The following OBI1 variants were observed in gnomAD, a reference collection of about 807,000 sequenced individuals.
OBI1 encodes ORC ubiquitin ligase 1, also known as ring finger protein 219.
In OBI1, 59 loss-of-function variants were observed where a neutral mutation model predicts 62.4. The observed-to-expected ratio is 0.95, with a 90% CI of 0.77 to 1.17. OBI1 has a LOEUF of 1.17. Among genes scored for constraint, OBI1 ranks in the 50% most tolerant of loss-of-function variants. The pLI is 0.00. For missense variants in OBI1, 875 were observed against 830.9 expected (o/e 1.05, Z -0.65); for synonymous variants, 302 against 292.8 (o/e 1.03, Z -0.32).
chr13:78,626,541 G>A (rs1239070995), intron 5 of OBI1, among the ~76,000 whole-genome samples: 2 of 149,262 alleles, frequency 1.3e-5, no homozygotes, highest in Admixed American at 6.6e-5. Flanking sequence ...ATTAGGGAGG[G>A]CCTCACATAT....
intron 5 of OBI1, among the ~76,000 whole-genome samples, chr13:78,626,241 G>A (rs894418316): frequency 1.3e-5 from 2 of 152,284 alleles, no homozygotes; most frequent in African/African-American, 4.8e-5. Context: ...AGGAATCTCT[G>A]ATTTCCTGTT....
intron 5 of OBI1, among the ~76,000 whole-genome samples, chr13:78,623,356 T>C (rs1875570170): frequency 6.6e-6 from 1 of 151,192 alleles, no homozygotes; most frequent in Non-Finnish European, 1.5e-5. Flanking sequence ...ACTGCATAAC[T>C]GACTACTATT....
chr13:78,656,771 A>T (rs1876719094), intron 1 of OBI1, among the ~76,000 whole-genome samples: 6 of 114,508 alleles, frequency 5.2e-5, no homozygotes, highest in South Asian at 5.9e-4. Flanking sequence ...TCCTTAATTA[A>T]TTAATTTTCT....
chr13:78,653,524 T>C (rs1876606028), intron 1 of OBI1, among the ~76,000 whole-genome samples: 1 of 152,246 alleles, frequency 6.6e-6, no homozygotes, highest in Non-Finnish European at 1.5e-5. Flanking sequence ...GTACTCAATG[T>C]GATTCAACTG....
chr13:78,636,978 T>C (rs920080602), intron 4 of OBI1, among the ~76,000 whole-genome samples: 1 of 152,200 alleles, frequency 6.6e-6, no homozygotes, highest in Admixed American at 6.5e-5. Context: ...CTATCAGAGA[T>C]CTTTTCAAGT....
chr13:78,621,617 T>C (rs1875515896), intron 5 of OBI1, among the ~76,000 whole-genome samples: 1 of 152,188 alleles, frequency 6.6e-6, no homozygotes, highest in South Asian at 2.1e-4. Flanking sequence ...CAAATGTAAA[T>C]GTAGTTATGG....
chr13:78,650,246 A>G (rs1876508384), intron 1 of OBI1, among the ~76,000 whole-genome samples: 1 of 152,222 alleles, frequency 6.6e-6, no homozygotes, highest in Non-Finnish European at 1.5e-5. Flanking sequence ...AATAAGGGAA[A>G]CAAGTACACA....
intron 3 of OBI1, among the ~76,000 whole-genome samples, chr13:78,640,012 AAAAAC>A (rs1268692271): frequency 1.3e-5 from 2 of 151,926 alleles, no homozygotes; most frequent in African/African-American, 4.9e-5. Flanking sequence ...AAACAAAAAC[AAAAAC>A]AAAACAAAAC....
At chr13:78,621,821 C>T (rs965168315) in intron 5 of OBI1, among the ~76,000 whole-genome samples, 5 of 152,136 alleles carry the variant, frequency 3.3e-5, no homozygotes, top group Admixed American at 6.5e-5. Flanking sequence ...AGCTCTTTCA[C>T]GATATTGAGA....
rs1359859704 is a variant in OBI1, at chr13:78,644,993, C to T, written c.77G>A (p.Arg26His). 11 of 1,607,346 alleles carry T rather than the reference C, an allele frequency of 6.8e-6. No individual in the cohort carries two copies. The highest frequency in any genetic ancestry group is 1.7e-4 in the Middle Eastern group (1 of 6,016). Reference sequence around the variant, plus strand: ...GTTGTTGATGCATATGACAGGCTGACGTACCTTTGAAAAAAGAAATCACTT... The same window carrying T: ...GTTGTTGATGCATATGACAGGCTGATGTACCTTTGAAAAAAGAAATCACTT... ...ITCHICLGKV[R>H]QPVICINNHV... Residue 26 changes from arginine to histidine, a missense_variant, in exon 2 of 6, where the codon CGT (arginine) becomes CAT (histidine). Physicochemically the swap from Arg to His is conservative, Grantham distance 29 (BLOSUM62 0). Coordinates refer to ENST00000282003, the MANE Select transcript of OBI1 (RefSeq NM_024546.4).
chr13:78,646,413 T>C (rs1313952295), intron 1 of OBI1, among the ~76,000 whole-genome samples: 1 of 152,160 alleles, frequency 6.6e-6, no homozygotes, highest in Non-Finnish European at 1.5e-5. Flanking sequence ...GTTGGGAAAG[T>C]TGTCAGAAGG....
At chr13:78,621,858 T>C (rs1031312325) in intron 5 of OBI1, among the ~76,000 whole-genome samples, 1 of 152,212 alleles carries the variant, frequency 6.6e-6, no homozygotes, top group African/African-American at 2.4e-5. Flanking sequence ...TGGAAGTTGA[T>C]GCAAACTTAG....
chr13:78,653,424 T>C (rs1233991932), intron 1 of OBI1, among the ~76,000 whole-genome samples: 1 of 152,186 alleles, frequency 6.6e-6, no homozygotes, highest in Non-Finnish European at 1.5e-5. Context: ...AATAAGCTAG[T>C]GGGGCTGTTG....
At chr13:78,635,400 C>G (rs746799797) in intron 4 of OBI1, among the ~76,000 whole-genome samples, 1 of 152,170 alleles carries the variant, frequency 6.6e-6, no homozygotes, top group African/African-American at 2.4e-5. Context: ...CCATATTCCC[C>G]AAGCACTTTG....
chr13:78,648,279 A>AACACACACACACACACACACACACAC (rs3064402), intron 1 of OBI1, among the ~76,000 whole-genome samples: 1 of 146,784 alleles, frequency 6.8e-6, no homozygotes, highest in African/African-American at 2.5e-5. Context: ...ACTTCCCCCA[A>AACACACACACACACACACACACACAC]ACACACACAC....
At chr13:78,641,791 C>G (rs1254241306) in intron 3 of OBI1, among the ~76,000 whole-genome samples, 7 of 144,494 alleles carry the variant, frequency 4.8e-5, no homozygotes, top group Admixed American at 2.8e-4. Flanking sequence ...CTTGAGGAAG[C>G]AAATACAAAA....
chr13:78,656,048 T>A (rs935484674), intron 1 of OBI1, among the ~76,000 whole-genome samples: 3 of 152,224 alleles, frequency 2.0e-5, no homozygotes, highest in Non-Finnish European at 4.4e-5. Context: ...ATCTTCATTT[T>A]GAAGTGCTCC....
chr13:78,653,468 C>T (rs1394402925), intron 1 of OBI1, among the ~76,000 whole-genome samples: 2 of 152,208 alleles, frequency 1.3e-5, no homozygotes, highest in East Asian at 3.9e-4. Flanking sequence ...GAAACTGAGA[C>T]TCTAAGAAAT....
At chr13:78,620,623 A>G (rs1239513848) in intron 5 of OBI1, 1 of 456,510 alleles carries the variant, frequency 2.2e-6, no homozygotes, top group Non-Finnish European at 4.4e-6. Flanking sequence ...GATGAGAGAG[A>G]AAAGGATGCC....
Sources: gnomAD v4.1 joint callset for allele counts (sites outside exome capture counted in the v4.1 genomes callset) on GRCh38, gnomAD v4.1.1 for gene constraint, MANE v1.5 for transcripts, NCBI Gene and HGNC (gene_info 2026-07-23, HGNC 2026-07-21) for gene names.